The following DLGAP1 variants were observed in gnomAD, a reference collection of about 807,000 sequenced individuals.
DLGAP1 encodes the protein disks large-associated protein 1.
DLGAP1 carries 11 observed loss-of-function variants against 90.8 expected under a neutral mutation model. The ratio of observed to expected loss-of-function variants is 0.12; its 90% CI spans 0.08 to 0.20. The LOEUF (loss-of-function observed/expected upper bound fraction) is 0.20, where lower values mean the gene tolerates loss of function less well. Among genes scored for constraint, DLGAP1 ranks in the 10% least tolerant of loss-of-function variants. The pLI is 1.00. For synonymous variants in DLGAP1, 558 were observed against 540.7 expected (o/e 1.03, Z -0.44); for missense variants, 1,050 against 1,333.8 (o/e 0.79, Z 3.31).
intron 3 of DLGAP1, among the ~76,000 whole-genome samples, chr18:3,962,067 G>A (rs930704682): frequency 6.6e-6 from 1 of 152,032 alleles, no homozygotes; most frequent in African/African-American, 2.4e-5. Flanking sequence ...TATTACCTTA[G>A]GATATTGATT....
chr18:4,069,796 C>T (rs755558811), intron 2 of DLGAP1, among the ~76,000 whole-genome samples: 1 of 152,170 alleles, frequency 6.6e-6, no homozygotes, highest in Non-Finnish European at 1.5e-5. Flanking sequence ...AATGTGACAA[C>T]GGACTAATAC....
intron 7 of DLGAP1, among the ~76,000 whole-genome samples, chr18:3,623,510 G>A (rs946075300): frequency 5.9e-5 from 9 of 152,086 alleles, no homozygotes; most frequent in Non-Finnish European, 1.0e-4. Context: ...AAAGCCAGCC[G>A]GGCACAGTGG....
In DLGAP1 at chr18:4,342,814, A is replaced by G. The variant is rs2081221366; in HGVS notation, c.-267+112192T>C. Among the ~76,000 whole-genome samples the G allele has an allele frequency of 6.6e-6, 1 of 152,204 alleles. No individual in the cohort carries two copies. Among genetic ancestry groups the G allele is most frequent in the African/African-American group, 2.4e-5 (1 of 41,454 alleles). On this transcript the variant is annotated intron_variant, in intron 1 of 12. Transcript: ENST00000315677. This position sits in a 1 kb window ranked among gnomAD's most constrained non-coding sequence, Gnocchi z 5.8. The stretch of plus-strand genomic sequence containing the variant: ...AATATTTAATAGACAGAAAATCTTT[A>G]CAAATTTTTTGATTTAATTGTTTAC...
intron 7 of DLGAP1, among the ~76,000 whole-genome samples, chr18:3,715,646 T>C (rs1208339092): frequency 6.6e-6 from 1 of 152,206 alleles, no homozygotes; most frequent in African/African-American, 2.4e-5. Flanking sequence ...GTTTACACTA[T>C]TATATTAGGT....
chr18:3,660,045 T>G lies in DLGAP1; in HGVS notation c.1591+69090A>C, dbSNP rs1567916043. Among the ~76,000 whole-genome samples, 1 of 152,246 alleles carries G rather than the reference T, an allele frequency of 6.6e-6. No individual in the cohort carries two copies. The highest frequency in any genetic ancestry group is 1.5e-5 in the Non-Finnish European group (1 of 68,048). On this transcript the variant is annotated intron_variant, in intron 7 of 12. Coordinates refer to ENST00000315677, the MANE Select transcript of DLGAP1 (RefSeq NM_004746.4). The surrounding 1 kb of genome is among the most constrained non-coding windows in gnomAD (Gnocchi z 4.2). ...TGCCCAATCTTCCTATAACCAGCTC[T>G]TTTCTTTTGTTCACATTTGACTTCA...
At chr18:4,360,707 A>G (rs895205896) in intron 1 of DLGAP1, among the ~76,000 whole-genome samples, 1 of 152,182 alleles carries the variant, frequency 6.6e-6, no homozygotes, top group South Asian at 2.1e-4. Flanking sequence ...GGCCAGGTGC[A>G]GTGGCTCAAG....
At chr18:3,538,583 G>T (rs2052515012) in intron 9 of DLGAP1, among the ~76,000 whole-genome samples, 1 of 152,168 alleles carries the variant, frequency 6.6e-6, no homozygotes, top group Non-Finnish European at 1.5e-5. Flanking sequence ...CTGAAGCTAA[G>T]CTTTCTCTCC....
chr18:3,857,362 T>C (rs1285797524), intron 4 of DLGAP1, among the ~76,000 whole-genome samples: 1 of 152,196 alleles, frequency 6.6e-6, no homozygotes, highest in Non-Finnish European at 1.5e-5. Flanking sequence ...GAAATGAATA[T>C]TCTAGCCATG....
chr18:3,985,039 C>T (rs1041639894), intron 3 of DLGAP1, among the ~76,000 whole-genome samples: 2 of 152,254 alleles, frequency 1.3e-5, no homozygotes, highest in Middle Eastern at 3.4e-3. Flanking sequence ...AAATCACTTG[C>T]ATTTATCTAA....
chr18:3,763,429 T>C (rs1598636673), intron 5 of DLGAP1, among the ~76,000 whole-genome samples: 2 of 152,270 alleles, frequency 1.3e-5, no homozygotes, highest in African/African-American at 4.8e-5. Context: ...GACTCTACCT[T>C]GTGATCACAT....
At chr18:3,666,513 A>G (rs764882184) in intron 7 of DLGAP1, among the ~76,000 whole-genome samples, 1 of 152,158 alleles carries the variant, frequency 6.6e-6, no homozygotes, top group Non-Finnish European at 1.5e-5. Flanking sequence ...ACACCTACCA[A>G]TCCGAGGAAG....
At position 3,938,293 on chromosome 18, in the gene DLGAP1, G is replaced by A. The variant is rs2072687336; in HGVS notation, c.-72-58153C>T. 2.0e-5 allele frequency among the ~76,000 whole-genome samples: 3 copies of A among 152,154 alleles called. No individual in the cohort carries two copies. In the South Asian group the frequency reaches 6.2e-4, roughly 32 times the overall value. ...ATGGGGGTTGCAGCTCAGTGGTAGAGATTTGACTGCAGATGAACACATAAT... is the reference window on the plus strand; with the variant it reads ...ATGGGGGTTGCAGCTCAGTGGTAGAAATTTGACTGCAGATGAACACATAAT... On this transcript the variant is annotated intron_variant, in intron 3 of 12. Transcript: ENST00000315677.
At chr18:3,666,915 C>T (rs1043226992) in intron 7 of DLGAP1, among the ~76,000 whole-genome samples, 4 of 151,968 alleles carry the variant, frequency 2.6e-5, no homozygotes, top group Non-Finnish European at 5.9e-5. Flanking sequence ...CACCACTACA[C>T]CCTGCTAATT....
chr18:4,071,577 C>T (rs2075447568), intron 2 of DLGAP1, among the ~76,000 whole-genome samples: 1 of 151,864 alleles, frequency 6.6e-6, no homozygotes, highest in African/African-American at 2.4e-5. Flanking sequence ...ACACAGCCAT[C>T]ACCGCATTCT....
At chr18:4,254,944 G>C (rs1441587790) in intron 1 of DLGAP1, among the ~76,000 whole-genome samples, 1 of 152,150 alleles carries the variant, frequency 6.6e-6, no homozygotes, top group Admixed American at 6.5e-5. Context: ...GGAGTTCAAT[G>C]GAACGTAATC....
intron 10 of DLGAP1, among the ~76,000 whole-genome samples, chr18:3,530,431 A>T (rs1430649668): frequency 6.6e-6 from 1 of 152,054 alleles, no homozygotes; most frequent in Non-Finnish European, 1.5e-5. Context: ...AACCAAAGAA[A>T]GGAGGGAAGA....
At chr18:3,505,301 A>G (rs1420012220) in intron 11 of DLGAP1, among the ~76,000 whole-genome samples, 2 of 152,142 alleles carry the variant, frequency 1.3e-5, no homozygotes, top group African/African-American at 4.8e-5. Flanking sequence ...CAAGTTTCTT[A>G]GCTTTTCCGT....
rs561845511 is a variant in DLGAP1 at position 3,552,347 on chromosome 18, A to C, written c.2057+15143T>G. ...GATCCTTGTCTTCTCATTCTTGAGA[A>C]GCACACTAAACCCAGCTTAGAAGTC... On this transcript the variant is annotated intron_variant, in intron 9 of 12. Coordinates refer to ENST00000315677, the MANE Select transcript of DLGAP1 (RefSeq NM_004746.4). Among the ~76,000 whole-genome samples, 5 of 152,320 alleles carry C rather than the reference A, an allele frequency of 3.3e-5. No homozygotes were observed. In the East Asian group the frequency reaches 7.7e-4, roughly 23 times the overall value.
chr18:3,797,349 A>G (rs142643236), intron 5 of DLGAP1, among the ~76,000 whole-genome samples: 294 of 151,848 alleles, frequency 1.9e-3, no homozygotes, highest in Non-Finnish European at 3.3e-3. Context: ...AAGAAGAAGA[A>G]CACTCAAGAG....
Sources: allele counts gnomAD v4.1 joint callset (sites outside exome capture counted in the v4.1 genomes callset), GRCh38; gene constraint gnomAD v4.1.1; non-coding constraint Gnocchi (gnomAD v3.1); transcripts MANE v1.5; gene names NCBI Gene and HGNC (gene_info 2026-07-23, HGNC 2026-07-21).